GAR1: variants seen among roughly 807,000 people sequenced by gnomAD.
GAR1 encodes the protein GAR1 ribonucleoprotein.
GAR1 carries 11 observed loss-of-function variants against 29.3 expected under a neutral mutation model. The ratio of observed to expected loss-of-function variants is 0.38; its 90% CI spans 0.24 to 0.62. The LOEUF (loss-of-function observed/expected upper bound fraction) is 0.62. GAR1 is among the 20% of genes least tolerant of loss of function. The probability of loss-of-function intolerance (pLI) is 0.62; values close to 1 mark genes in which losing one functional copy is unlikely to be tolerated. For missense variants in GAR1, 237 were observed against 268.4 expected (o/e 0.88, Z 0.82); for synonymous variants, 87 against 93.3 (o/e 0.93, Z 0.39).
intron 4 of GAR1, 51 bp from the exon 5 acceptor site, chr4:109,822,296 T>C: frequency 2.7e-6 from 3 of 1,124,170 alleles, no homozygotes; most frequent in Non-Finnish European, 2.6e-6. Flanking sequence ...TTAATGATTA[T>C]ATTATACTGT....
intron 5 of GAR1, among the ~76,000 whole-genome samples, chr4:109,823,470 G>C (rs1274634606): frequency 6.6e-6 from 1 of 151,942 alleles, no homozygotes; most frequent in Non-Finnish European, 1.5e-5. Context: ...AAAATTCACA[G>C]CTGTCTTATT....
intron 2 of GAR1, 42 bp downstream of exon 2, chr4:109,816,420 G>A (rs966301497): frequency 2.5e-6 from 4 of 1,579,046 alleles, no homozygotes; most frequent in Non-Finnish European, 3.5e-6. Flanking sequence ...AGGAGTAGGT[G>A]TGGGTTGGGG....
intron 5 of GAR1, among the ~76,000 whole-genome samples, chr4:109,823,247 A>C (rs569071616): frequency 1.4e-4 from 21 of 152,158 alleles, no homozygotes; most frequent in Non-Finnish European, 2.4e-4. Context: ...GAGGAGCTGA[A>C]AGTTGGGCTT....
intron 3 of GAR1, among the ~76,000 whole-genome samples, 190 bp from the exon 4 acceptor site, chr4:109,818,811 C>T (rs561936445): frequency 3.3e-5 from 5 of 152,114 alleles, no homozygotes; most frequent in African/African-American, 4.8e-5. Context: ...GTGATCCATC[C>T]GCCTTGGCCC....
In GAR1 at chr4:109,824,313, A is replaced by C. The variant is rs1425008441; in HGVS notation, c.641-105A>C. On this transcript the variant is annotated intron_variant, in intron 6 of 6. Coordinates refer to ENST00000226796, the MANE Select transcript of GAR1 (RefSeq NM_018983.4). ...TTAAATTTGGTAAAGTATGTTTGCTAAACATTATTGGAACTAATGCTGATT... is the reference window on the plus strand; with the variant it reads ...TTAAATTTGGTAAAGTATGTTTGCTCAACATTATTGGAACTAATGCTGATT... 10 of 775,834 alleles carry C rather than the reference A, an allele frequency of 1.3e-5. No individual in the cohort carries two copies. In the East Asian group the frequency reaches 2.5e-4, roughly 20 times the overall value. The allele number at this position is 775,834 out of a possible 1,614,324, so 48.1% of individuals were successfully genotyped here.
At position 109,821,731 on chromosome 4, in the gene GAR1, T is replaced by C. The variant is rs949121373; in HGVS notation, c.430-616T>C. The stretch of plus-strand genomic sequence containing the variant: ...AATCTATTTCTAAAGAGAAATGATA[T>C]TGAATTGGTCTTGATTTTTTAATAT... On this transcript the variant is annotated intron_variant, in intron 4 of 6. Coordinates refer to ENST00000226796, the MANE Select transcript of GAR1 (RefSeq NM_018983.4). 2.0e-5 allele frequency among the ~76,000 whole-genome samples: 3 copies of C among 152,222 alleles called. 1 individual carries two copies. Among genetic ancestry groups the C allele is most frequent in the African/African-American group, 4.8e-5 (2 of 41,460 alleles).
chr4:109,816,924 G>A (rs999772782), intron 2 of GAR1, among the ~76,000 whole-genome samples: 2 of 152,200 alleles, frequency 1.3e-5, no homozygotes, highest in Non-Finnish European at 1.5e-5. Context: ...AAAACAATTT[G>A]CTTGAGAGGG....
At position 109,816,271 on chromosome 4, in the gene GAR1, G is replaced by T; in HGVS notation, c.107G>T (p.Gly36Val). Residue 36 changes from glycine (G) to valine (V), a missense_variant, in exon 2 of 7, where the codon GGA (glycine) becomes GTA (valine). Gly to Val is a moderately radical substitution (Grantham distance 109). Transcript: ENST00000226796. The stretch of plus-strand genomic sequence containing the variant: ...CACTTCCGAGGTGGAGGCGGCGGTG[G>T]AGGCGGCGGCAATTTCAGAGGCGGC... ...SNHFRGGGGG[G>V]GGGNFRGGGR... 2 of 1,610,968 alleles carry T rather than the reference G, an allele frequency of 1.2e-6. No individual in the cohort carries two copies. The highest frequency in any genetic ancestry group is 1.7e-6 in the Non-Finnish European group (2 of 1,178,980).
chr4:109,822,981 GATGTC>G (rs1733561331), intron 5 of GAR1, among the ~76,000 whole-genome samples: 1 of 152,214 alleles, frequency 6.6e-6, no homozygotes, highest in African/African-American at 2.4e-5. Flanking sequence ...CATATCTTCT[GATGTC>G]ATGTCAAGAA....
intron 5 of GAR1, among the ~76,000 whole-genome samples, chr4:109,823,645 C>T (rs1467619531): frequency 6.6e-6 from 1 of 152,110 alleles, no homozygotes; most frequent in African/African-American, 2.4e-5. Flanking sequence ...TTATCATAAG[C>T]AAGAGCTAAG....
At chr4:109,817,874 A>G (rs1733396759) in intron 2 of GAR1, 62 bp from the exon 3 acceptor site, 7 of 1,370,062 alleles carry the variant, frequency 5.1e-6, no homozygotes, top group East Asian at 4.7e-5. Flanking sequence ...AGCTTCCAGA[A>G]GCAGTTGGTC....
intron 6 of GAR1, 72 bp downstream of exon 6, chr4:109,824,105 C>G (rs1733590603): frequency 9.6e-7 from 1 of 1,045,630 alleles, no homozygotes; most frequent in Non-Finnish European, 1.5e-6. Flanking sequence ...TCTGTTTTTA[C>G]TTAAGTTTAA....
intron 3 of GAR1, among the ~76,000 whole-genome samples, chr4:109,818,418 G>C (rs981192831): frequency 2.0e-5 from 3 of 151,938 alleles, no homozygotes; most frequent in African/African-American, 7.3e-5. Context: ...CACTACTCTG[G>C]AAACTCCTTC....
At chr4:109,817,421 A>G (rs952995474) in intron 2 of GAR1, among the ~76,000 whole-genome samples, 6 of 152,254 alleles carry the variant, frequency 3.9e-5, no homozygotes, top group Middle Eastern at 3.4e-3. Flanking sequence ...AAAACAATGA[A>G]TCATTGTTAA....
At chr4:109,824,191 CTT>C (rs3839183) in intron 6 of GAR1, among the ~76,000 whole-genome samples, 158 bp downstream of exon 6, 2 of 151,002 alleles carry the variant, frequency 1.3e-5, no homozygotes, top group Non-Finnish European at 3.0e-5. Flanking sequence ...TTTTATATCA[CTT>C]TTTTTTTGCC....
chr4:109,818,775 G>C (rs1031170866), intron 3 of GAR1, among the ~76,000 whole-genome samples: 2 of 151,912 alleles, frequency 1.3e-5, no homozygotes. Flanking sequence ...ATGTTGGCCA[G>C]GATGGTCTCA....
intron 4 of GAR1, chr4:109,819,640 A>T (rs1401728249): frequency 2.6e-5 from 4 of 152,430 alleles, no homozygotes; most frequent in Non-Finnish European, 5.9e-5. Flanking sequence ...TCTAGTTTCC[A>T]CTTCTGGAAA....
intron 3 of GAR1, 50 bp downstream of exon 3, chr4:109,818,140 C>T (rs2125888711): frequency 7.2e-7 from 1 of 1,386,408 alleles, no homozygotes; most frequent in Non-Finnish European, 9.9e-7. Flanking sequence ...TTGCTATTTG[C>T]ATTTTTCTGA....
In GAR1 at chr4:109,822,401, C is replaced by G; in HGVS notation, c.484C>G (p.Pro162Ala). 1.9e-6 allele frequency: 3 copies of G among 1,611,178 alleles called. No homozygotes were observed. Among genetic ancestry groups the G allele is most frequent in the Non-Finnish European group, 2.5e-6 (3 of 1,178,382 alleles). ...ACTGCAGAGGTTTTTACCTCGACCT[C>G]CAGGTGAGAAAGGACCTCCAAGAGG... Reference protein sequence around the residue: ...LPLQRFLPRPPGEKGPPRGGG... With the variant: ...LPLQRFLPRPAGEKGPPRGGG... Residue 162 changes from proline to alanine, a missense_variant, in exon 5 of 7, where the codon CCA becomes GCA. Coordinates refer to ENST00000226796, the MANE Select transcript of GAR1 (RefSeq NM_018983.4).
Sources: gnomAD v4.1 joint callset for allele counts (sites outside exome capture counted in the v4.1 genomes callset) on GRCh38, gnomAD v4.1.1 for gene constraint, MANE v1.5 for transcripts, NCBI Gene and HGNC (gene_info 2026-07-23, HGNC 2026-07-21) for gene names.